Variants in SH3GLB2 observed in about 807,000 individuals in gnomAD.
SH3GLB2 encodes endophilin-B2.
In SH3GLB2, 24 loss-of-function variants were observed where a neutral mutation model predicts 48.0. That is an observed-to-expected ratio of 0.50 (90% CI 0.36 to 0.70). The LOEUF (loss-of-function observed/expected upper bound fraction) is 0.70. Among genes scored for constraint, SH3GLB2 ranks in the 30% least tolerant of loss-of-function variants. The pLI is 0.00. For synonymous variants in SH3GLB2, 227 were observed against 207.6 expected (o/e 1.09, Z -0.80); for missense variants, 425 against 516.0 (o/e 0.82, Z 1.71).
chr9:129,026,390 C>T (rs879627387), intron 1 of SH3GLB2, among the ~76,000 whole-genome samples: 13 of 152,360 alleles, frequency 8.5e-5, no homozygotes, highest in Non-Finnish European at 1.5e-4. Flanking sequence ...GGTCACATTT[C>T]AGGCCTCTCT....
At chr9:129,021,811 T>C (rs1843818863) in intron 2 of SH3GLB2, among the ~76,000 whole-genome samples, 1 of 151,730 alleles carries the variant, frequency 6.6e-6, no homozygotes, top group Admixed American at 6.6e-5. Flanking sequence ...ATACAAAAAT[T>C]AGCTGGGCGT....
In SH3GLB2 at chr9:129,014,080, C is replaced by G. The variant is rs774120983; in HGVS notation, c.561+331G>C. On this transcript the variant is annotated intron_variant, in intron 5 of 10. Transcript: ENST00000372564. This position sits in a 1 kb window ranked among gnomAD's most constrained non-coding sequence, Gnocchi z 4.1. The stretch of plus-strand genomic sequence containing the variant: ...AGAGTTAGTAAGAAGGTGCCATGCC[C>G]GGGCAGAGCCGGGGACAGAGCCGAG... The G allele has an allele frequency of 3.5e-6, 2 of 566,426 alleles. No individual in the cohort carries two copies. The highest frequency in any genetic ancestry group is 1.5e-5 in the South Asian group (1 of 65,356). The allele number at this position is 566,426 out of a possible 1,614,324, so 35.1% of individuals were successfully genotyped here.
rs1337269420 is a variant in SH3GLB2, at chr9:129,011,779, C to T, written c.624+457G>A. ...CCTTAAGCACAGCCTCAGGCCCTCCCGCCCCCCAGGCGCTCTCCAGGCCTA... is the reference window on the plus strand; with the variant it reads ...CCTTAAGCACAGCCTCAGGCCCTCCTGCCCCCCAGGCGCTCTCCAGGCCTA... On this transcript the variant is annotated intron_variant, in intron 6 of 10. Coordinates refer to ENST00000372564, the MANE Select transcript of SH3GLB2 (RefSeq NM_020145.4). The surrounding 1 kb of genome is among the most constrained non-coding windows in gnomAD (Gnocchi z 4.5). 5 of 158,132 alleles carry T rather than the reference C, an allele frequency of 3.2e-5. No individual in the cohort carries two copies. The highest frequency in any genetic ancestry group is 7.2e-5 in the African/African-American group (3 of 41,818). The allele number at this position is 158,132 out of a possible 1,614,324, so 9.8% of individuals were successfully genotyped here.
intron 10 of SH3GLB2, 111 bp downstream of exon 10, chr9:129,008,995 T>C: frequency 6.5e-7 from 1 of 1,530,940 alleles, no homozygotes; most frequent in Non-Finnish European, 8.8e-7. Context: ...TTTAACCTGC[T>C]GGTCCCCACT....
At chr9:129,012,709 C>T (rs138703949) in intron 5 of SH3GLB2, 4 of 504,020 alleles carry the variant, frequency 7.9e-6, no homozygotes, top group South Asian at 3.4e-5. Context: ...TCCCAGAATC[C>T]GCACACCACA....
At chr9:129,020,641 G>A (rs1219872827) in intron 3 of SH3GLB2, among the ~76,000 whole-genome samples, 1 of 151,928 alleles carries the variant, frequency 6.6e-6, no homozygotes, top group Non-Finnish European at 1.5e-5. Flanking sequence ...GCATAGGCGG[G>A]CAGATCACGA....
At chr9:129,016,951 C>CTTTT (rs766780203) in intron 3 of SH3GLB2, among the ~76,000 whole-genome samples, 4 of 112,422 alleles carry the variant, frequency 3.6e-5, no homozygotes, top group East Asian at 2.5e-4. Flanking sequence ...ATACTCTGCT[C>CTTTT]TTTTTTTTTT....
chr9:129,013,141 G>A, intron 5 of SH3GLB2: 1 of 1,097,068 alleles, frequency 9.1e-7, no homozygotes, highest in Non-Finnish European at 1.4e-6. Context: ...CGGTCGGGCG[G>A]AGGGAGGCAC....
intron 1 of SH3GLB2, among the ~76,000 whole-genome samples, chr9:129,023,481 C>T (rs1843946268): frequency 6.6e-6 from 1 of 152,200 alleles, no homozygotes; most frequent in South Asian, 2.1e-4. Flanking sequence ...TGAAGACCTG[C>T]AGGAGTAAGA....
Position 129,014,001 on chromosome 9 carries a change from G to A in SH3GLB2, c.561+410C>T, listed in dbSNP as rs1384619046. 1 of 465,716 alleles carries A rather than the reference G, an allele frequency of 2.1e-6. No individual in the cohort carries two copies. The allele number at this position is 465,716 out of a possible 1,614,324, so 28.8% of individuals were successfully genotyped here. ...CAGCTCCCAGGTTTTCCACACCATC[G>A]TGGGGGCGCCTGAGCACAGGGACCC... On this transcript the variant is annotated intron_variant, in intron 5 of 10. Transcript: ENST00000372564. This position sits in a 1 kb window ranked among gnomAD's most constrained non-coding sequence, Gnocchi z 4.1.
At chr9:129,016,388 C>T (rs1312546044) in intron 3 of SH3GLB2, among the ~76,000 whole-genome samples, 2 of 138,378 alleles carry the variant, frequency 1.4e-5, no homozygotes, top group Non-Finnish European at 3.1e-5. Flanking sequence ...CGGCCGGGTG[C>T]GGTGGCTCAC....
At position 129,009,270 on chromosome 9, in the gene SH3GLB2, C is replaced by T. The variant is rs370834949; in HGVS notation, c.916G>A (p.Ala306Thr). ...ACAGAGGGCACCACAGGCATAGTGG[C>T]CGCAGCAGTGGTGGGTGAGGTGCTG... ...LSSTSPTTAAATMPVVPSVAS... is the reference protein window; with the variant it reads ...LSSTSPTTAATTMPVVPSVAS... Residue 306 changes from alanine (A) to threonine (T), a missense_variant, in exon 10 of 11, where the codon GCC becomes ACC. Transcript: ENST00000372564. The T allele has an allele frequency of 1.3e-5, 21 of 1,574,196 alleles. No homozygotes were observed. The highest frequency in any genetic ancestry group is 2.3e-5 in the East Asian group (1 of 43,400).
chr9:129,012,832 G>A, intron 5 of SH3GLB2: 1 of 686,476 alleles, frequency 1.5e-6, no homozygotes, highest in Non-Finnish European at 2.4e-6. Context: ...CTGACTCACA[G>A]GCCCCAACGC....
At chr9:129,017,106 C>T (rs980114945) in intron 3 of SH3GLB2, among the ~76,000 whole-genome samples, 30 of 151,910 alleles carry the variant, frequency 2.0e-4, no homozygotes, top group African/African-American at 7.3e-4. Context: ...CACCAGCATG[C>T]CCAGCTAATT....
In SH3GLB2 at chr9:129,014,478, C is replaced by G. The variant is rs1221475553; in HGVS notation, c.494G>C (p.Arg165Pro). 1 of 1,551,210 alleles carries G rather than the reference C, an allele frequency of 6.4e-7. No homozygotes were observed. The highest frequency in any genetic ancestry group is 2.4e-5 in the East Asian group (1 of 40,940). The change falls in exon 5 of 11, where the codon CGG becomes CCG. Residue 165 changes from arginine to proline, a missense_variant. Transcript: ENST00000372564. This position sits in a 1 kb window ranked among gnomAD's most constrained non-coding sequence, Gnocchi z 4.1. ...ISKERRLLQN[R>P]RLDLDACKAR... ...TTTGCAGGCATCCAAGTCCAGACGC[C>G]GGTTTTGGAGGAGCCGCCTCTCCTT...
Position 129,007,956 on chromosome 9 carries a change from CTG to C in SH3GLB2, c.*726_*727del, listed in dbSNP as rs988418383. 3.9e-5 allele frequency: 6 copies of C among 152,270 alleles called. No homozygotes were observed. Among genetic ancestry groups the C allele is most frequent in the African/African-American group, 1.4e-4 (6 of 41,454 alleles). 9.4% of individuals were successfully genotyped at this position (152,270 alleles called of 1,614,324 possible). On this transcript the variant is annotated 3_prime_UTR_variant, in exon 11 of 11. Transcript: ENST00000372564. ...GGCAGCCACAGGGCCCCTGCTCACT[CTG>C]TGGAAGAGTGGGGCAGAGGGTGAGT...
intron 10 of SH3GLB2, 127 bp from the exon 11 acceptor site, chr9:129,008,918 G>T: frequency 7.9e-7 from 1 of 1,263,826 alleles, no homozygotes; most frequent in Non-Finnish European, 1.1e-6. Context: ...AGTGGCTGGC[G>T]CTCATCTCAC....
intron 8 of SH3GLB2, 73 bp downstream of exon 8, chr9:129,010,047 C>G: frequency 6.6e-7 from 1 of 1,509,634 alleles, no homozygotes; most frequent in Non-Finnish European, 9.2e-7. Flanking sequence ...GGCAGCCCTG[C>G]TGACCTTGTG....
In SH3GLB2 at chr9:129,009,354, G is replaced by A; in HGVS notation, c.840-8C>T. The A allele has an allele frequency of 6.5e-7, 1 of 1,550,206 alleles. No individual in the cohort carries two copies. The highest frequency in any genetic ancestry group is 2.4e-5 in the East Asian group (1 of 40,932). On this transcript the variant is annotated splice_region_variant and splice_polypyrimidine_tract_variant and intron_variant, in intron 9 of 10. Coordinates refer to ENST00000372564, the MANE Select transcript of SH3GLB2 (RefSeq NM_020145.4). ...ACGAAGGTGCCGGGAAATCTGGAGAGGAGGGATACATCTTAGCAGGTGGGA... is the reference window on the plus strand; with the variant it reads ...ACGAAGGTGCCGGGAAATCTGGAGAAGAGGGATACATCTTAGCAGGTGGGA...
Sources: allele counts gnomAD v4.1 joint callset (sites outside exome capture counted in the v4.1 genomes callset), GRCh38; gene constraint gnomAD v4.1.1; non-coding constraint Gnocchi (gnomAD v3.1); transcripts MANE v1.5; gene names NCBI Gene and HGNC (gene_info 2026-07-23, HGNC 2026-07-21).